The following ZNFX1 variants were observed in gnomAD, a reference collection of about 807,000 sequenced individuals.
ZNFX1 encodes the protein zinc finger NFX1-type containing 1, also known as NFX1-type zinc finger-containing protein 1.
In ZNFX1, 78 loss-of-function variants were observed where a neutral mutation model predicts 179.8. That is an observed-to-expected ratio of 0.43 (90% CI 0.36 to 0.52). The LOEUF is 0.52. Ranked by LOEUF, ZNFX1 falls within the 20% of genes least tolerant of loss-of-function variation. The probability of loss-of-function intolerance (pLI) is 0.00; values close to 1 mark genes in which losing one functional copy is unlikely to be tolerated. For missense variants in ZNFX1, 1,927 were observed against 2,386.6 expected, an observed-to-expected ratio of 0.81 and a Z score of 4.01; for synonymous variants, 848 against 868.5, an observed-to-expected ratio of 0.98 and a Z score of 0.42.
In ZNFX1 at chr20:49,247,660, G is replaced by A. The variant is rs1251967666; in HGVS notation, c.5364C>T (p.Val1788=). ...KKVKDSIAVE[V]YSVQNILEKT... ...TCTCAAGGATATTCTGGACACTATA[G>A]ACCTCTACTGCTATGCTATCTTTCA... The change falls in exon 14 of 14, where the codon GTC becomes GTT. Residue 1788 remains valine (V), a synonymous_variant. Coordinates refer to ENST00000396105, the MANE Select transcript of ZNFX1 (RefSeq NM_021035.3). The A allele has an allele frequency of 5.0e-6, 8 of 1,614,186 alleles. No homozygotes were observed. The highest frequency in any genetic ancestry group is 1.1e-5 in the South Asian group (1 of 91,084).
intron 13 of ZNFX1, among the ~76,000 whole-genome samples, chr20:49,250,851 C>T (rs1225228535): frequency 6.6e-6 from 1 of 151,082 alleles, no homozygotes; most frequent in African/African-American, 2.5e-5. Flanking sequence ...CACACCCAGC[C>T]AGGCACATGC....
intron 10 of ZNFX1, among the ~76,000 whole-genome samples, chr20:49,254,244 T>G (rs1980913997): frequency 6.6e-6 from 1 of 152,116 alleles, no homozygotes. Context: ...CCAGGCTGAT[T>G]GCAAACTTAT....
Position 49,247,404 on chromosome 20 carries a change from C to G in ZNFX1, c.5620G>C (p.Glu1874Gln). ...MERGTCPDCK[E>Q]VIGGTNHTLE... is the part of the protein sequence containing the mutation. ...GTATGATTTGTGCCACCAATCACTT[C>G]CTTACAGTCAGGACACGTGCCCCTC... is the stretch of plus-strand genomic sequence containing the variant. The change falls in exon 14 of 14, where the codon GAA becomes CAA. Residue 1874 changes from glutamate (E) to glutamine (Q), a missense_variant. Transcript: ENST00000396105. The G allele has an allele frequency of 1.9e-6, 3 of 1,614,200 alleles. No individual in the cohort carries two copies. The South Asian group carries it at 3.3e-5, about 18-fold the overall frequency.
chr20:49,257,702 CTTTTTTTT>C (rs11295162), intron 7 of ZNFX1, 38 bp from the exon 8 acceptor site: 5 of 1,380,814 alleles, frequency 3.6e-6, no homozygotes, highest in Admixed American at 5.4e-5. Context: ...GATGAAAACT[CTTTTTTTT>C]TTTTTTTTTG....
intron 7 of ZNFX1, 21 bp downstream of exon 7, chr20:49,260,442 A>C (rs1440839203): frequency 3.3e-5 from 51 of 1,534,194 alleles, no homozygotes; most frequent in Non-Finnish European, 4.5e-5. Context: ...ATTTGATTCT[A>C]GGAAGACATG....
intron 7 of ZNFX1, among the ~76,000 whole-genome samples, chr20:49,258,906 C>T (rs527564667): frequency 6.6e-6 from 1 of 152,170 alleles, no homozygotes; most frequent in African/African-American, 2.4e-5. Context: ...GAGCTCAAGA[C>T]CAGCCTGGCC....
At chr20:49,250,550 G>A (rs73113560) in intron 13 of ZNFX1, among the ~76,000 whole-genome samples, 2,756 of 152,134 alleles carry the variant, frequency 0.018, 44 homozygotes, top group South Asian at 0.024. Context: ...GGCCTCAGCT[G>A]ACAATTTTTT....
At position 49,247,811 on chromosome 20, in the gene ZNFX1, T is replaced by A. The variant is rs1052706676; in HGVS notation, c.5213A>T (p.His1738Leu). The A allele has an allele frequency of 6.2e-6, 10 of 1,614,090 alleles. No homozygotes were observed. In the Admixed American group the frequency reaches 1.7e-4, roughly 27 times the overall value. ...KRVRTRLEQV[H>L]EWLAKKRLSF... ...CAAGCGCTTCTTGGCCAGCCACTCATGGACCTGTTCTAGTCGAGTCCTCAC... is the reference window on the plus strand; with the variant it reads ...CAAGCGCTTCTTGGCCAGCCACTCAAGGACCTGTTCTAGTCGAGTCCTCAC... Residue 1738 changes from histidine to leucine, a missense_variant, in exon 14 of 14, where the codon CAT becomes CTT. Physicochemically the swap from His to Leu is moderately conservative, Grantham distance 99. Coordinates refer to ENST00000396105, the MANE Select transcript of ZNFX1 (RefSeq NM_021035.3).
intron 9 of ZNFX1, among the ~76,000 whole-genome samples, chr20:49,255,573 TCCA>T (rs1980948864): frequency 6.6e-6 from 1 of 152,172 alleles, no homozygotes; most frequent in African/African-American, 2.4e-5. Context: ...CTGGATAGAC[TCCA>T]TAGGCTCCAC....
chr20:49,258,093 A>T, intron 7 of ZNFX1, among the ~76,000 whole-genome samples: 1 of 122,966 alleles, frequency 8.1e-6, no homozygotes, highest in Non-Finnish European at 1.7e-5. Context: ...TCAAGGGTTT[A>T]TGTGATTTTT....
chr20:49,256,846 A>G (rs995557069), intron 8 of ZNFX1, among the ~76,000 whole-genome samples: 5 of 152,234 alleles, frequency 3.3e-5, no homozygotes, highest in Non-Finnish European at 7.3e-5. Context: ...CTTATTTTGA[A>G]TATCTAATCC....
chr20:49,264,521 T>C (rs767283687), intron 5 of ZNFX1, among the ~76,000 whole-genome samples, 195 bp downstream of exon 5: 9 of 152,118 alleles, frequency 5.9e-5, no homozygotes, highest in Non-Finnish European at 1.2e-4. Flanking sequence ...TGTTTCCTTG[T>C]CTTTTCTCCA....
intron 2 of ZNFX1, 64 bp from the exon 3 acceptor site, chr20:49,271,814 A>C: frequency 6.6e-7 from 1 of 1,509,078 alleles, no homozygotes; most frequent in Non-Finnish European, 8.9e-7. Context: ...CAACAGAACG[A>C]CAATGAACGT....
Position 49,270,741 on chromosome 20 carries a change from G to C in ZNFX1, c.1071C>G (p.Ile357Met). 6.2e-7 allele frequency: 1 copy of C among 1,614,162 alleles called. No homozygotes were observed. Among genetic ancestry groups the C allele is most frequent in the Non-Finnish European group, 8.5e-7 (1 of 1,180,034 alleles). Residue 357 changes from isoleucine (I) to methionine (M), a missense_variant, in exon 3 of 14, where the codon ATC (isoleucine) becomes ATG (methionine). Physicochemically the swap from Ile to Met is conservative, Grantham distance 10 (BLOSUM62 1). Coordinates refer to ENST00000396105, the MANE Select transcript of ZNFX1 (RefSeq NM_021035.3). The surrounding 1 kb of genome is among the most constrained non-coding windows in gnomAD (Gnocchi z 4.6). ...LDERPFLRPN[I>M]ISGKYDSTAI... ...CAGTGCTGTCGTATTTTCCAGAAATGATATTGGGGCGAAGGAAGGGCCTCT... is the reference window on the plus strand; with the variant it reads ...CAGTGCTGTCGTATTTTCCAGAAATCATATTGGGGCGAAGGAAGGGCCTCT...
rs373793243 is a variant in ZNFX1, at chr20:49,270,264, C to G, written c.1548G>C (p.Arg516Ser). ...VETTAYFEAY[R>S]HVLEGLQEVQ... ...CCTCCTGGAGTCCTTCCAGGACGTG[C>G]CTGTAGGCCTCAAAGTATGCAGTTG... The change falls in exon 3 of 14, where the codon AGG becomes AGC. Residue 516 changes from arginine (R) to serine (S), a missense_variant. By Grantham distance (110) the Arg-to-Ser change is moderately radical (BLOSUM62 -1). Coordinates refer to ENST00000396105, the MANE Select transcript of ZNFX1 (RefSeq NM_021035.3). This position sits in a 1 kb window ranked among gnomAD's most constrained non-coding sequence, Gnocchi z 4.6. The G allele has an allele frequency of 1.6e-5, 26 of 1,614,032 alleles. No homozygotes were observed. Among genetic ancestry groups the G allele is most frequent in the Non-Finnish European group, 1.9e-5 (23 of 1,180,032 alleles).
chr20:49,260,539 G>T lies in ZNFX1; in HGVS notation c.2340C>A (p.Ser780=). ...EWICFQHWKH[S]MMLEWLGLGV... ...CAAGACCTAGCCACTCCAGCATCAT[G>T]GAATGCTTCCAGTGCTGGAAGCAAA... Residue 780 remains serine, a synonymous_variant, in exon 7 of 14, where the codon TCC becomes TCA. Transcript: ENST00000396105. The T allele has an allele frequency of 6.2e-7, 1 of 1,612,956 alleles. No homozygotes were observed. Among genetic ancestry groups the T allele is most frequent in the Non-Finnish European group, 8.5e-7 (1 of 1,179,576 alleles).
intron 13 of ZNFX1, among the ~76,000 whole-genome samples, chr20:49,251,026 T>C (rs1980823700): frequency 6.6e-6 from 1 of 151,888 alleles, no homozygotes; most frequent in African/African-American, 2.4e-5. Flanking sequence ...TTATATAACT[T>C]GCTTAAGGTT....
rs760033410 is a variant in ZNFX1, at chr20:49,247,312, C to T, written c.5712G>A (p.Thr1904=). ...DGAQHAAWSD[T]ANNLMNFEEI... is the part of the protein sequence containing the mutation. ...CCTCAAAGTTCATCAGGTTGTTGGC[C>T]GTGTCAGACCAGGCAGCATGCTGGG... Residue 1904 remains threonine, a synonymous_variant, in exon 14 of 14, where the codon ACG becomes ACA. Coordinates refer to ENST00000396105, the MANE Select transcript of ZNFX1 (RefSeq NM_021035.3). The T allele has an allele frequency of 2.2e-5, 35 of 1,613,602 alleles. No homozygotes were observed. Among genetic ancestry groups the T allele is most frequent in the East Asian group, 1.8e-4 (8 of 44,872 alleles).
intron 10 of ZNFX1, 92 bp from the exon 11 acceptor site, chr20:49,253,903 C>T (rs1234880787): frequency 1.4e-6 from 2 of 1,464,056 alleles, no homozygotes; most frequent in South Asian, 1.2e-5. Context: ...TCTGTATCTT[C>T]CCTGAACCTG....
Sources: gnomAD v4.1 joint callset for allele counts (sites outside exome capture counted in the v4.1 genomes callset) on GRCh38, gnomAD v4.1.1 for gene constraint, Gnocchi (gnomAD v3.1) non-coding constraint, MANE v1.5 for transcripts, NCBI Gene and HGNC (gene_info 2026-07-23, HGNC 2026-07-21) for gene names.